PUM2: variants seen among roughly 807,000 people sequenced by gnomAD.
The protein encoded by PUM2 is pumilio homolog 2.
PUM2 carries 57 observed loss-of-function variants against 124.5 expected under a neutral mutation model. The ratio of observed to expected loss-of-function variants is 0.46; its 90% CI spans 0.37 to 0.57. PUM2 has a LOEUF of 0.57. Among genes scored for constraint, PUM2 ranks in the 20% least tolerant of loss-of-function variants. The pLI is 0.00. For synonymous variants in PUM2, 460 were observed against 446.1 expected (o/e 1.03, Z -0.39); for missense variants, 1,065 against 1,290.6 (o/e 0.83, Z 2.68).
At chr2:20,346,913 T>C (rs1040388576) in intron 1 of PUM2, among the ~76,000 whole-genome samples, 1 of 152,094 alleles carries the variant, frequency 6.6e-6, no homozygotes, top group Non-Finnish European at 1.5e-5. Flanking sequence ...GATGACTACC[T>C]TTTTTTTCCT....
intron 3 of PUM2, among the ~76,000 whole-genome samples, chr2:20,312,852 T>A (rs778617227): frequency 6.6e-5 from 10 of 152,148 alleles, no homozygotes; most frequent in Non-Finnish European, 1.3e-4. Context: ...GACAGCATGG[T>A]ACTGGTACCA....
intron 1 of PUM2, among the ~76,000 whole-genome samples, chr2:20,338,170 G>A (rs1686509286): frequency 6.6e-6 from 1 of 152,188 alleles, no homozygotes. Flanking sequence ...GCTGAGGCAG[G>A]TGGATCACCT....
At chr2:20,269,302 G>A (rs980727998) in intron 13 of PUM2, among the ~76,000 whole-genome samples, 17 of 152,002 alleles carry the variant, frequency 1.1e-4, no homozygotes, top group Non-Finnish European at 2.2e-4. Flanking sequence ...CCAGGTTCAC[G>A]CCATTCTCCT....
chr2:20,295,946 G>A (rs1346694824), intron 8 of PUM2, among the ~76,000 whole-genome samples: 2 of 152,060 alleles, frequency 1.3e-5, no homozygotes, highest in Non-Finnish European at 2.9e-5. Context: ...AAAATACATA[G>A]AATGCTTATA....
chr2:20,266,492 A>C (rs1667693885), intron 13 of PUM2, among the ~76,000 whole-genome samples: 1 of 150,396 alleles, frequency 6.6e-6, no homozygotes, highest in Admixed American at 6.6e-5. Flanking sequence ...CCCCCACCAA[A>C]AAAAAAAAAA....
chr2:20,287,282 G>A (rs1191494417), intron 10 of PUM2, among the ~76,000 whole-genome samples: 5 of 152,134 alleles, frequency 3.3e-5, no homozygotes, highest in Admixed American at 3.3e-4. Context: ...AAGGCACACA[G>A]AAGTACTAAA....
intron 1 of PUM2, among the ~76,000 whole-genome samples, chr2:20,333,780 T>C (rs970365910): frequency 2.6e-5 from 4 of 152,080 alleles, no homozygotes; most frequent in African/African-American, 9.7e-5. Context: ...CCAAATCTCA[T>C]GTCAAAACGT....
At chr2:20,310,771 T>C (rs1386303529) in intron 5 of PUM2, among the ~76,000 whole-genome samples, 1 of 151,968 alleles carries the variant, frequency 6.6e-6, no homozygotes, top group East Asian at 1.9e-4. Flanking sequence ...CATTTTCAGA[T>C]ACAAGCTCCA....
At chr2:20,275,063 A>C (rs998146545) in intron 13 of PUM2, among the ~76,000 whole-genome samples, 1 of 151,320 alleles carries the variant, frequency 6.6e-6, no homozygotes, top group African/African-American at 2.4e-5. Flanking sequence ...ATGAGAAAAT[A>C]ACTCAATATT....
chr2:20,307,843 G>T, intron 7 of PUM2, 135 bp downstream of exon 7: 5 of 1,167,484 alleles, frequency 4.3e-6, no homozygotes, highest in Non-Finnish European at 4.5e-6. Flanking sequence ...AAACACCTTT[G>T]TCATACAACC....
chr2:20,321,413 T>C (rs1338410779), intron 2 of PUM2, among the ~76,000 whole-genome samples: 1 of 152,214 alleles, frequency 6.6e-6, no homozygotes, highest in African/African-American at 2.4e-5. Context: ...ATGAGTACCT[T>C]CATTTTCGAA....
chr2:20,291,719 T>A (rs568211974), intron 9 of PUM2, among the ~76,000 whole-genome samples: 1 of 152,304 alleles, frequency 6.6e-6, no homozygotes, highest in South Asian at 2.1e-4. Context: ...GCTGTATCCT[T>A]ACATCCTTTT....
intron 10 of PUM2, among the ~76,000 whole-genome samples, chr2:20,285,884 T>C (rs1351189381): frequency 6.6e-6 from 1 of 152,098 alleles, no homozygotes; most frequent in Non-Finnish European, 1.5e-5. Context: ...AATTCAAAGC[T>C]GAGAATCATG....
chr2:20,262,273 A>G (rs1256105079), intron 14 of PUM2, among the ~76,000 whole-genome samples: 1 of 152,250 alleles, frequency 6.6e-6, no homozygotes, highest in Non-Finnish European at 1.5e-5. Flanking sequence ...CCAGTCCTGC[A>G]AGCTCCATTC....
chr2:20,273,980 A>G (rs1474417963), intron 13 of PUM2, among the ~76,000 whole-genome samples: 2 of 152,186 alleles, frequency 1.3e-5, no homozygotes, highest in Admixed American at 6.5e-5. Flanking sequence ...AATTAGAATA[A>G]GTTATTTATA....
At position 20,280,923 on chromosome 2, in the gene PUM2, T is replaced by C. The variant is rs201934995; in HGVS notation, c.1720+2024A>G. 1.1e-4 allele frequency among the ~76,000 whole-genome samples: 17 copies of C among 152,282 alleles called. No individual in the cohort carries two copies. The East Asian group carries it at 2.7e-3, about 24-fold the overall frequency. ...TGTTTAGGCTTCTTGGCCAACTATA[T>C]CATAAAATGGGGTATTTAACACTGT... On this transcript the variant is annotated intron_variant, in intron 12 of 20. Coordinates refer to ENST00000361078, the MANE Select transcript of PUM2 (RefSeq NM_015317.5).
rs1235589458 is a variant in PUM2, at chr2:20,294,379, T to C, written c.1149A>G (p.Gln383=). The C allele has an allele frequency of 1.2e-5, 19 of 1,613,970 alleles. No homozygotes were observed. Among genetic ancestry groups the C allele is most frequent in the African/African-American group, 2.7e-5 (2 of 75,040 alleles). ...QAASQAQPGQ[Q]QVLRAGAGQR... ...ACTTAATAGAAGGAAGGCCTACCTG[T>C]TGCTGTCCAGGCTGAGCTTGTGATG... The change falls in exon 9 of 21, where the codon CAA becomes CAG. Residue 383 remains glutamine (Q), a synonymous_variant. Coordinates refer to ENST00000361078, the MANE Select transcript of PUM2 (RefSeq NM_015317.5).
At chr2:20,320,629 C>G (rs1195474818) in intron 2 of PUM2, among the ~76,000 whole-genome samples, 1 of 151,186 alleles carries the variant, frequency 6.6e-6, no homozygotes, top group Non-Finnish European at 1.5e-5. Context: ...CTAGGATGGC[C>G]CTGGGCTGTA....
At chr2:20,340,350 A>G (rs1257134058) in intron 1 of PUM2, among the ~76,000 whole-genome samples, 2 of 152,224 alleles carry the variant, frequency 1.3e-5, no homozygotes, top group Non-Finnish European at 2.9e-5. Flanking sequence ...CCTGGGTAAA[A>G]TACACAACAG....
Sources: gnomAD v4.1 joint callset for allele counts (sites outside exome capture counted in the v4.1 genomes callset) on GRCh38, gnomAD v4.1.1 for gene constraint, MANE v1.5 for transcripts, NCBI Gene and HGNC (gene_info 2026-07-23, HGNC 2026-07-21) for gene names.